The following DPP10 variants were observed in gnomAD, a reference collection of about 807,000 sequenced individuals.
DPP10 encodes the protein inactive dipeptidyl peptidase 10.
DPP10 carries 33 observed loss-of-function variants against 120.9 expected under a neutral mutation model. The ratio of observed to expected loss-of-function variants is 0.27; its 90% CI spans 0.21 to 0.37. The LOEUF (loss-of-function observed/expected upper bound fraction) is 0.37. Ranked by LOEUF, DPP10 falls within the 10% of genes least tolerant of loss-of-function variation. The pLI is 1.00. For synonymous variants in DPP10, 337 were observed against 326.1 expected, an observed-to-expected ratio of 1.03 and a Z score of -0.36; for missense variants, 816 against 942.8, an observed-to-expected ratio of 0.87 and a Z score of 1.76.
chr2:115,657,495 G>T (rs958507516), intron 5 of DPP10, among the ~76,000 whole-genome samples: 1 of 151,044 alleles, frequency 6.6e-6, no homozygotes, highest in Non-Finnish European at 1.5e-5. Flanking sequence ...TTCTTTTATT[G>T]ATCTCTTCCT....
rs115392546 is a variant in DPP10 at position 115,573,819 on chromosome 2, T to C, written c.441+47847T>C. Among the ~76,000 whole-genome samples, 539 of 152,208 alleles carry C rather than the reference T, an allele frequency of 3.5e-3. 2 individuals carry two copies. Among genetic ancestry groups the C allele is most frequent in the African/African-American group, 0.012 (502 of 41,542 alleles). On this transcript the variant is annotated intron_variant, in intron 5 of 25. Coordinates refer to ENST00000410059, the MANE Select transcript of DPP10 (RefSeq NM_020868.6). ...ATCTGCCCGCCTTGACCTCTCAAAA[T>C]GCTGGAATGACAGGTGTGAGTCATC...
At chr2:115,355,144 G>A (rs1475568837) in intron 3 of DPP10, among the ~76,000 whole-genome samples, 1 of 152,036 alleles carries the variant, frequency 6.6e-6, no homozygotes, top group Non-Finnish European at 1.5e-5. Flanking sequence ...CCACAATGGT[G>A]GAACTAATTT....
chr2:115,007,716 A>C (rs1438076910), intron 1 of DPP10, among the ~76,000 whole-genome samples: 4 of 151,866 alleles, frequency 2.6e-5, no homozygotes, highest in Admixed American at 2.6e-4. Context: ...GCTGATAAGC[A>C]ACTTCAGCAA....
chr2:114,648,811 T>G (rs1696339363), intron 1 of DPP10, among the ~76,000 whole-genome samples: 1 of 152,182 alleles, frequency 6.6e-6, no homozygotes, highest in African/African-American at 2.4e-5. Context: ...GAGTGGTACA[T>G]ACATACAAAG....
intron 1 of DPP10, among the ~76,000 whole-genome samples, chr2:114,802,985 G>A (rs1574225915): frequency 1.3e-5 from 2 of 152,112 alleles, no homozygotes; most frequent in South Asian, 4.1e-4. Context: ...TGAATGAAAT[G>A]AGATGGCTGT....
chr2:114,913,076 C>A (rs1694497125), intron 1 of DPP10, among the ~76,000 whole-genome samples: 1 of 152,156 alleles, frequency 6.6e-6, no homozygotes, highest in Admixed American at 6.5e-5. Flanking sequence ...GGGTCCCTGG[C>A]TGGGTGTATC....
In DPP10 at chr2:115,192,953, C is replaced by G. The variant is rs112256853; in HGVS notation, c.61-116286C>G. 4.8e-3 allele frequency among the ~76,000 whole-genome samples: 733 copies of G among 151,698 alleles called. 5 individuals are homozygous for G. Among genetic ancestry groups the G allele is most frequent in the African/African-American group, 0.016 (670 of 41,496 alleles). The stretch of plus-strand genomic sequence containing the variant: ...TTCCTTTACAATTAACGTTTCAAAA[C>G]TTGCTTAAACTTTAAAACAAAAAAA... On this transcript the variant is annotated intron_variant, in intron 1 of 25. Transcript: ENST00000410059.
At chr2:114,694,966 G>A (rs1453276726) in intron 1 of DPP10, among the ~76,000 whole-genome samples, 2 of 151,958 alleles carry the variant, frequency 1.3e-5, no homozygotes, top group African/African-American at 4.8e-5. Context: ...ATTTGCAGAA[G>A]GAGTAAAAAA....
chr2:115,736,383 A>G (rs1310646972), intron 8 of DPP10, among the ~76,000 whole-genome samples: 11 of 152,160 alleles, frequency 7.2e-5, no homozygotes, highest in Non-Finnish European at 1.5e-4. Context: ...TCCTCTATCA[A>G]TCCAAGTACA....
chr2:114,986,736 G>A (rs181277805), intron 1 of DPP10, among the ~76,000 whole-genome samples: 9 of 152,250 alleles, frequency 5.9e-5, no homozygotes, highest in Non-Finnish European at 1.0e-4. Flanking sequence ...GGCTAACAAT[G>A]AATTTTACAA....
At position 115,525,477 on chromosome 2, in the gene DPP10, A is replaced by C. The variant is rs1177644034; in HGVS notation, c.367-421A>C. ...TGTTAGTATCTTTTTAAATATAAAC[A>C]TTCAACCAGTAAGAATACAAAAACA... On this transcript the variant is annotated intron_variant, in intron 4 of 25. Transcript: ENST00000410059. Among the ~76,000 whole-genome samples, 3 of 152,208 alleles carry C rather than the reference A, an allele frequency of 2.0e-5. No individual in the cohort carries two copies. The East Asian group carries it at 5.8e-4, about 29-fold the overall frequency.
chr2:115,819,127 T>C (rs1311647851), intron 21 of DPP10, among the ~76,000 whole-genome samples: 3 of 152,196 alleles, frequency 2.0e-5, no homozygotes, highest in Non-Finnish European at 4.4e-5. Context: ...ACTGATTCCC[T>C]GGAAAAATTT....
Position 114,631,636 on chromosome 2 carries a change from T to C in DPP10, c.60+188798T>C, listed in dbSNP as rs185894967. Among the ~76,000 whole-genome samples the C allele has an allele frequency of 9.9e-5, 15 of 152,280 alleles. No individual in the cohort carries two copies. In the East Asian group the frequency reaches 2.5e-3, roughly 25 times the overall value. On this transcript the variant is annotated intron_variant, in intron 1 of 25. Transcript: ENST00000410059. ...CAGGAAAAAGACTAGCGAAAGACTC[T>C]CTCTCCTTTATTTGTATTTATCATT...
chr2:115,792,165 A>G (rs539258526), intron 19 of DPP10, among the ~76,000 whole-genome samples: 3 of 152,186 alleles, frequency 2.0e-5, no homozygotes, highest in South Asian at 2.1e-4. Context: ...TAGTTTTGCT[A>G]TTTATTAGCT....
chr2:114,851,717 A>G (rs925756140), intron 1 of DPP10, among the ~76,000 whole-genome samples: 1 of 152,156 alleles, frequency 6.6e-6, no homozygotes, highest in Non-Finnish European at 1.5e-5. Context: ...AATGATCCTT[A>G]CATGCAATGG....
intron 3 of DPP10, among the ~76,000 whole-genome samples, chr2:115,364,464 C>T (rs1009245854): frequency 7.2e-5 from 11 of 152,050 alleles, no homozygotes; most frequent in African/African-American, 2.4e-4. Flanking sequence ...GTTGCTTGTT[C>T]GCTAGTACGT....
chr2:115,612,976 C>T (rs1575335310), intron 5 of DPP10, among the ~76,000 whole-genome samples: 1 of 151,688 alleles, frequency 6.6e-6, no homozygotes, highest in Non-Finnish European at 1.5e-5. Flanking sequence ...TAAAATGGTA[C>T]ATAAATCAAA....
rs566237499 is a variant in DPP10, at chr2:115,379,308, T to C, written c.271+35396T>C. Among the ~76,000 whole-genome samples, 839 of 152,262 alleles carry C rather than the reference T, an allele frequency of 5.5e-3. 6 individuals are homozygous for C. The highest frequency in any genetic ancestry group is 0.018 in the African/African-American group (737 of 41,566). ...GAGTGTATGTGTCGAGGAATTTATC[T>C]ATTTCTTCTAGATTTTCTAGTTTAT... On this transcript the variant is annotated intron_variant, in intron 3 of 25. Transcript: ENST00000410059.
At chr2:114,745,249 G>T (rs1332137243) in intron 1 of DPP10, among the ~76,000 whole-genome samples, 1 of 152,182 alleles carries the variant, frequency 6.6e-6, no homozygotes, top group Non-Finnish European at 1.5e-5. Flanking sequence ...TTGGGAACTA[G>T]CAAGCTTCTA....
Sources: allele counts gnomAD v4.1 joint callset (sites outside exome capture counted in the v4.1 genomes callset), GRCh38; gene constraint gnomAD v4.1.1; transcripts MANE v1.5; gene names NCBI Gene and HGNC (gene_info 2026-07-23, HGNC 2026-07-21).